ZDHHC21: variants seen among roughly 807,000 people sequenced by gnomAD.
ZDHHC21 encodes zDHHC palmitoyltransferase 21.
A neutral mutation model predicts 34.6 loss-of-function variants in ZDHHC21; 15 were observed. That is an observed-to-expected ratio of 0.43 (90% CI 0.29 to 0.67). ZDHHC21 has a LOEUF of 0.67. ZDHHC21 is among the 30% of genes least tolerant of loss of function. The pLI is 0.14. For missense variants in ZDHHC21, 344 were observed against 327.7 expected, an observed-to-expected ratio of 1.05 and a Z score of -0.38; for synonymous variants, 142 against 101.8, an observed-to-expected ratio of 1.40 and a Z score of -2.38.
chr9:14,620,946 C>A (rs747797207), intron 8 of ZDHHC21, among the ~76,000 whole-genome samples: 1 of 151,970 alleles, frequency 6.6e-6, no homozygotes, highest in Non-Finnish European at 1.5e-5. Flanking sequence ...ATTAACCTTT[C>A]TCTGCTCCGT....
chr9:14,669,859 T>G (rs1402139806), intron 5 of ZDHHC21, among the ~76,000 whole-genome samples: 3 of 62,876 alleles, frequency 4.8e-5, no homozygotes, highest in South Asian at 6.8e-4. Context: ...TGTGGTGGGG[T>G]GGGGGGAGGG....
intron 8 of ZDHHC21, among the ~76,000 whole-genome samples, chr9:14,628,143 G>A (rs1826641147): frequency 6.6e-6 from 1 of 152,148 alleles, no homozygotes; most frequent in Non-Finnish European, 1.5e-5. Flanking sequence ...TTGGGCTTCA[G>A]ATTAGTCTAT....
intron 7 of ZDHHC21, among the ~76,000 whole-genome samples, chr9:14,643,964 G>A (rs950977094): frequency 3.3e-5 from 5 of 152,098 alleles, no homozygotes; most frequent in South Asian, 2.1e-4. Flanking sequence ...TTGCAAGAAC[G>A]TCTTGATTAT....
intron 6 of ZDHHC21, among the ~76,000 whole-genome samples, chr9:14,661,201 G>A (rs1489095132): frequency 1.3e-5 from 2 of 151,944 alleles, no homozygotes; most frequent in East Asian, 3.8e-4. Context: ...TCCTATTTCA[G>A]GAAATTATCT....
intron 5 of ZDHHC21, among the ~76,000 whole-genome samples, chr9:14,671,395 T>C (rs1835409649): frequency 6.6e-6 from 1 of 151,996 alleles, no homozygotes; most frequent in Non-Finnish European, 1.5e-5. Flanking sequence ...AATACAAAGT[T>C]TGGGTCCTAA....
chr9:14,678,482 T>C (rs1836816544), intron 3 of ZDHHC21, among the ~76,000 whole-genome samples: 1 of 152,040 alleles, frequency 6.6e-6, no homozygotes, highest in South Asian at 2.1e-4. Context: ...CAAGGTACAT[T>C]TTTCATCTAC....
chr9:14,658,841 A>T lies in ZDHHC21; in HGVS notation c.412T>A (p.Leu138Met). The change falls in exon 7 of 10, where the codon TTG (leucine) becomes ATG (methionine). Residue 138 changes from leucine to methionine, a missense_variant. Coordinates refer to ENST00000380916, the MANE Select transcript of ZDHHC21 (RefSeq NM_178566.6). ...GTAAGAAGTTCAGTGTAGAAACACA[A>T]CTGCAGAAAGAGCCAATGATTATCT... ...GEDNHWLFLQ[L>M]CFYTELLTCY... 6.2e-7 allele frequency: 1 copy of T among 1,613,656 alleles called. No homozygotes were observed. Among genetic ancestry groups the T allele is most frequent in the Non-Finnish European group, 8.5e-7 (1 of 1,179,702 alleles).
intron 7 of ZDHHC21, among the ~76,000 whole-genome samples, chr9:14,655,492 T>C (rs1832048277): frequency 6.6e-6 from 1 of 151,916 alleles, no homozygotes. Flanking sequence ...GTAACAACAA[T>C]AATGTCTTGT....
chr9:14,668,990 A>C (rs1363065380), intron 5 of ZDHHC21, among the ~76,000 whole-genome samples: 6 of 119,894 alleles, frequency 5.0e-5, no homozygotes, highest in African/African-American at 1.5e-4. Context: ...ACAAAAGACA[A>C]AATTGACAAA....
chr9:14,632,954 A>G (rs1827614349), intron 8 of ZDHHC21, among the ~76,000 whole-genome samples: 1 of 152,188 alleles, frequency 6.6e-6, no homozygotes, highest in South Asian at 2.1e-4. Context: ...GAACCCTCAA[A>G]TACTGCTAGT....
Position 14,615,122 on chromosome 9 carries a change from C to T in ZDHHC21, c.*3844G>A, listed in dbSNP as rs542225009. 1 of 151,822 alleles carries T rather than the reference C, an allele frequency of 6.6e-6. No homozygotes were observed. Among genetic ancestry groups the T allele is most frequent in the East Asian group, 1.9e-4 (1 of 5,170 alleles). 9.4% of individuals were successfully genotyped at this position (151,822 alleles called of 1,614,324 possible). ...GAAAACACTCAAACTACCCCATGAT[C>T]TAACACACAGAAAATTGTGTAGCTA... is the stretch of plus-strand genomic sequence containing the variant. On this transcript the variant is annotated 3_prime_UTR_variant, in exon 10 of 10. Coordinates refer to ENST00000380916, the MANE Select transcript of ZDHHC21 (RefSeq NM_178566.6).
At chr9:14,610,870 C>A (rs1026583827), downstream of ZDHHC21, among the ~76,000 whole-genome samples, 1 of 151,902 alleles carries the variant, frequency 6.6e-6, no homozygotes, top group Non-Finnish European at 1.5e-5. Context: ...CAATTTCAGC[C>A]CTAGTATGTA....
At position 14,681,566 on chromosome 9, in the gene ZDHHC21, T is replaced by G. The variant is rs901270370; in HGVS notation, c.-175-1404A>C. On this transcript the variant is annotated intron_variant, in intron 2 of 9. Coordinates refer to ENST00000380916, the MANE Select transcript of ZDHHC21 (RefSeq NM_178566.6). ...GGCAGTAAAATGCCATGATCAAATT[T>G]GCATTTTAGGAGGAAAAGACACAAT... 5.9e-5 allele frequency among the ~76,000 whole-genome samples: 9 copies of G among 152,092 alleles called. No individual in the cohort carries two copies. In the South Asian group the frequency reaches 1.9e-3, roughly 31 times the overall value.
chr9:14,681,750 TG>T (rs1837417995), intron 2 of ZDHHC21, among the ~76,000 whole-genome samples: 1 of 151,662 alleles, frequency 6.6e-6, no homozygotes, highest in Non-Finnish European at 1.5e-5. Flanking sequence ...TGTGTGTGTG[TG>T]TGTGTGTAAG....
intron 8 of ZDHHC21, among the ~76,000 whole-genome samples, chr9:14,628,714 A>T (rs546330148): frequency 6.6e-6 from 1 of 152,306 alleles, no homozygotes; most frequent in Admixed American, 6.5e-5. Context: ...ATTATGACAA[A>T]AACATGTGCA....
rs535242484 is a variant in ZDHHC21 at position 14,630,704 on chromosome 9, T to C, written c.621+9192A>G. Among the ~76,000 whole-genome samples, 27 of 152,344 alleles carry C rather than the reference T, an allele frequency of 1.8e-4. No individual in the cohort carries two copies. In the South Asian group the frequency reaches 5.4e-3, roughly 30 times the overall value. ...GTTGAAATTACTACTCCTTGATCCA[T>C]GGCATGCATAAGGGGTGTAGCAGGC... On this transcript the variant is annotated intron_variant, in intron 8 of 9. Transcript: ENST00000380916.
At chr9:14,590,604 G>A in the ZDHHC21 span, among the ~76,000 whole-genome samples, 2,047 of 152,178 alleles carry the variant, frequency 0.013, 55 homozygotes, top group African/African-American at 0.046. Context: ...GGCTGAATGT[G>A]GGGAGGGGAC....
downstream of ZDHHC21, among the ~76,000 whole-genome samples, chr9:14,606,071 C>T (rs987084476): frequency 6.6e-6 from 1 of 152,178 alleles, no homozygotes; most frequent in South Asian, 2.1e-4. Context: ...GGTAATAAAA[C>T]CCAGAAGTCA....
chr9:14,595,960 C>T, the ZDHHC21 span, among the ~76,000 whole-genome samples: 2 of 152,176 alleles, frequency 1.3e-5, no homozygotes, highest in South Asian at 2.1e-4. Context: ...AACTGGAACA[C>T]TCATACATTG....
Sources: gnomAD v4.1 joint callset for allele counts (sites outside exome capture counted in the v4.1 genomes callset) on GRCh38, gnomAD v4.1.1 for gene constraint, MANE v1.5 for transcripts, NCBI Gene and HGNC (gene_info 2026-07-23, HGNC 2026-07-21) for gene names.